Variants in PTH1R observed in about 807,000 individuals in gnomAD.
The protein encoded by PTH1R is parathyroid hormone/parathyroid hormone-related peptide receptor.
A neutral mutation model predicts 70.7 loss-of-function variants in PTH1R; 32 were observed. The ratio of observed to expected loss-of-function variants is 0.45; its 90% CI spans 0.34 to 0.61. PTH1R has a LOEUF of 0.61. Among genes scored for constraint, PTH1R ranks in the 20% least tolerant of loss-of-function variants. PTH1R has a pLI of 0.01. For synonymous variants in PTH1R, 329 were observed against 324.8 expected (o/e 1.01, Z -0.14); for missense variants, 626 against 792.5 (o/e 0.79, Z 2.52).
At chr3:46,890,494 A>C (rs1347021815) in intron 3 of PTH1R, among the ~76,000 whole-genome samples, 1 of 136,870 alleles carries the variant, frequency 7.3e-6, no homozygotes, top group East Asian at 2.2e-4. Flanking sequence ...TCTTCACAGC[A>C]GCTTTTTTTT....
rs1407613927 is a variant in PTH1R, at chr3:46,893,855, C to T, written c.76-52C>T. 3 of 1,561,306 alleles carry T rather than the reference C, an allele frequency of 1.9e-6. No homozygotes were observed. Among genetic ancestry groups the T allele is most frequent in the Non-Finnish European group, 2.6e-6 (3 of 1,137,348 alleles). ...CTGGGAAATTGGGATGTCTCTGGGA[C>T]CTGCTGCTGCGCCGGAAAGTCCTGC... is the stretch of plus-strand genomic sequence containing the variant. On this transcript the variant is annotated intron_variant, in intron 3 of 15. Coordinates refer to ENST00000449590, the MANE Select transcript of PTH1R (RefSeq NM_000316.3). The surrounding 1 kb of genome is among the most constrained non-coding windows in gnomAD (Gnocchi z 5.2).
rs955444586 is a variant in PTH1R, at chr3:46,884,259, G to T, written c.75+625G>T. 6.6e-6 allele frequency among the ~76,000 whole-genome samples: 1 copy of T among 152,176 alleles called. No homozygotes were observed. On this transcript the variant is annotated intron_variant, in intron 3 of 15. Transcript: ENST00000449590. The surrounding 1 kb of genome is among the most constrained non-coding windows in gnomAD (Gnocchi z 4.8). ...CTGTAGGAGAAGCACAGCATATCCT[G>T]TGGGGAAGTGAGGAGACCCCTGGAA...
chr3:46,880,769 T>C (rs1181134902), intron 1 of PTH1R, among the ~76,000 whole-genome samples: 2 of 137,724 alleles, frequency 1.5e-5, no homozygotes, highest in East Asian at 3.9e-4. Context: ...AAGAAGAAAG[T>C]AGCAGCAGAA....
chr3:46,892,442 G>A lies in PTH1R; in HGVS notation c.76-1465G>A, dbSNP rs953767015. On this transcript the variant is annotated intron_variant, in intron 3 of 15. Coordinates refer to ENST00000449590, the MANE Select transcript of PTH1R (RefSeq NM_000316.3). This position sits in a 1 kb window ranked among gnomAD's most constrained non-coding sequence, Gnocchi z 5.2. ...CACGGACGGGCACACACAAGTGCAC[G>A]CGCCGGCCACTCGAGAATGCGCTGC... Among the ~76,000 whole-genome samples the A allele has an allele frequency of 1.3e-5, 2 of 152,194 alleles. No individual in the cohort carries two copies. The highest frequency in any genetic ancestry group is 4.8e-5 in the African/African-American group (2 of 41,460).
intron 9 of PTH1R, 135 bp from the exon 10 acceptor site, chr3:46,899,168 C>T (rs1478351231): frequency 8.2e-7 from 1 of 1,214,322 alleles, no homozygotes; most frequent in Non-Finnish European, 1.2e-6. Context: ...AGAGAGCCCC[C>T]CAAACGAAGC....
At chr3:46,889,701 A>G (rs545193678) in intron 3 of PTH1R, among the ~76,000 whole-genome samples, 1 of 152,242 alleles carries the variant, frequency 6.6e-6, no homozygotes, top group Admixed American at 6.5e-5. Context: ...CCTAATCAGG[A>G]CCATAGGAGG....
rs1393616963 is a variant in PTH1R at position 46,896,964 on chromosome 3, C to G, written c.314-891C>G. On this transcript the variant is annotated intron_variant, in intron 5 of 15. Coordinates refer to ENST00000449590, the MANE Select transcript of PTH1R (RefSeq NM_000316.3). This position sits in a 1 kb window ranked among gnomAD's most constrained non-coding sequence, Gnocchi z 4.1. ...GAAGCATGGGCCAATGTGGTTAATC[C>G]CAACTTCCCAATGAGGAAATGGAAA... Among the ~76,000 whole-genome samples the G allele has an allele frequency of 6.6e-6, 1 of 152,158 alleles. No homozygotes were observed. Among genetic ancestry groups the G allele is most frequent in the East Asian group, 1.9e-4 (1 of 5,202 alleles).
intron 3 of PTH1R, among the ~76,000 whole-genome samples, chr3:46,886,287 G>T (rs1469291311): frequency 6.6e-6 from 1 of 152,202 alleles, no homozygotes; most frequent in Non-Finnish European, 1.5e-5. Flanking sequence ...AGAGACTGTG[G>T]TGTGGACTCA....
At position 46,901,844 on chromosome 3, in the gene PTH1R, A is replaced by G. The variant is rs772724556; in HGVS notation, c.1195A>G (p.Thr399Ala). 7 of 1,613,516 alleles carry G rather than the reference A, an allele frequency of 4.3e-6. No homozygotes were observed. In the African/African-American group the frequency reaches 5.3e-5, roughly 12 times the overall value. ...GGAGACCAACGCCGGCCGGTGTGAC[A>G]CACGGCAGCAGTACCGGTGAGCCCA... is the stretch of plus-strand genomic sequence containing the variant. The part of the protein sequence containing the change: ...LRETNAGRCD[T>A]RQQYRKLLKS... The change falls in exon 13 of 16, where the codon ACA becomes GCA. Residue 399 changes from threonine (T) to alanine (A), a missense_variant. Physicochemically the swap from Thr to Ala is moderately conservative, Grantham distance 58. Around this residue, in one of 3 missense-constraint regions of PTH1R, gnomAD observed 495 missense variants for 638.7 expected, o/e 0.77. Transcript: ENST00000449590. The surrounding 1 kb of genome is among the most constrained non-coding windows in gnomAD (Gnocchi z 7.3).
chr3:46,889,619 G>C (rs1421322239), intron 3 of PTH1R, among the ~76,000 whole-genome samples: 3 of 152,196 alleles, frequency 2.0e-5, no homozygotes, highest in African/African-American at 7.2e-5. Context: ...GCTGACCATG[G>C]GGAGGATGTG....
intron 1 of PTH1R, among the ~76,000 whole-genome samples, chr3:46,878,876 GA>G (rs1461704270): frequency 6.6e-6 from 1 of 152,172 alleles, no homozygotes; most frequent in Non-Finnish European, 1.5e-5. Flanking sequence ...CCAGCCTGGG[GA>G]TTAGAGACAG....
intron 3 of PTH1R, among the ~76,000 whole-genome samples, chr3:46,887,405 C>T (rs1451099768): frequency 6.8e-6 from 1 of 146,530 alleles, no homozygotes; most frequent in Non-Finnish European, 1.5e-5. Context: ...CAATGAGCTA[C>T]GATCATGCCA....
At position 46,893,915 on chromosome 3, in the gene PTH1R, A is replaced by G. The variant is rs1291292658; in HGVS notation, c.84A>G (p.Ala28=). ...GACCTTCGGCTTGGCAGGTGGATGC[A>G]GATGACGTCATGACTAAAGAGGAAC... ...VLSSAYALVD[A]DDVMTKEEQI... Residue 28 remains alanine (A), a synonymous_variant, in exon 4 of 16, where the codon GCA becomes GCG. Coordinates refer to ENST00000449590, the MANE Select transcript of PTH1R (RefSeq NM_000316.3). The surrounding 1 kb of genome is among the most constrained non-coding windows in gnomAD (Gnocchi z 5.2). 1 of 1,613,998 alleles carries G rather than the reference A, an allele frequency of 6.2e-7. No individual in the cohort carries two copies. Among genetic ancestry groups the G allele is most frequent in the South Asian group, 1.1e-5 (1 of 91,008 alleles).
chr3:46,887,184 G>C (rs1391638742), intron 3 of PTH1R, among the ~76,000 whole-genome samples: 1 of 151,710 alleles, frequency 6.6e-6, no homozygotes, highest in Non-Finnish European at 1.5e-5. Flanking sequence ...AGGTTGCAGT[G>C]AACCGAGATC....
At chr3:46,898,628 G>A (rs770356618) in intron 8 of PTH1R, 34 bp from the exon 9 acceptor site, 68 of 1,609,370 alleles carry the variant, frequency 4.2e-5, no homozygotes, top group Non-Finnish European at 2.5e-5. Flanking sequence ...GCGTCCCCGT[G>A]CCCCCACCCA....
rs756330580 is a variant in PTH1R, at chr3:46,903,555, G to A, written c.1681G>A (p.Asp561Asn). ...ACCTGCCATGGCTGCTCCCAAGGAC[G>A]ATGGGTTCCTCAACGGCTCCTGCTC... ...TPPAMAAPKD[D>N]GFLNGSCSGL... is the part of the protein sequence containing the mutation. Residue 561 changes from aspartate (D) to asparagine (N), a missense_variant, in exon 16 of 16, where the codon GAT (aspartate) becomes AAT (asparagine). Asp to Asn is a conservative substitution (Grantham distance 23). Around this residue, in one of 3 missense-constraint regions of PTH1R, gnomAD observed 495 missense variants for 638.7 expected, o/e 0.77. Transcript: ENST00000449590. The surrounding 1 kb of genome is among the most constrained non-coding windows in gnomAD (Gnocchi z 4.4). 9 of 1,613,840 alleles carry A rather than the reference G, an allele frequency of 5.6e-6. No individual in the cohort carries two copies. The highest frequency in any genetic ancestry group is 2.2e-5 in the South Asian group (2 of 91,082).
chr3:46,898,495 C>A (rs1402726280), intron 8 of PTH1R, 23 bp downstream of exon 8: 19 of 1,579,484 alleles, frequency 1.2e-5, no homozygotes, highest in Non-Finnish European at 1.7e-5. Context: ...GGGCGAGAGG[C>A]GGCGGGACAT....
rs1055723915 is a variant in PTH1R, at chr3:46,888,985, G to A, written c.76-4922G>A. ...GGAGGAAAAGTCAGCACTTGTCAGC[G>A]GTGGCGGGGCAGGACGAGGAGCCTG... On this transcript the variant is annotated intron_variant, in intron 3 of 15. Coordinates refer to ENST00000449590, the MANE Select transcript of PTH1R (RefSeq NM_000316.3). Among the ~76,000 whole-genome samples, 43 of 152,286 alleles carry A rather than the reference G, an allele frequency of 2.8e-4. 1 individual carries two copies. The highest frequency in any genetic ancestry group is 9.4e-4 in the African/African-American group (39 of 41,568).
At position 46,883,617 on chromosome 3, in the gene PTH1R, A is replaced by C. The variant is rs2030811984; in HGVS notation, c.58A>C (p.Ser20Arg). 1 of 1,544,814 alleles carries C rather than the reference A, an allele frequency of 6.5e-7. No homozygotes were observed. Among genetic ancestry groups the C allele is most frequent in the Non-Finnish European group, 8.7e-7 (1 of 1,146,734 alleles). Residue 20 changes from serine (S) to arginine (R), a missense_variant, in exon 3 of 16, where the codon AGC (serine) becomes CGC (arginine). Physicochemically the swap from Ser to Arg is moderately radical, Grantham distance 110 (BLOSUM62 -1). Transcript: ENST00000449590. The surrounding 1 kb of genome is among the most constrained non-coding windows in gnomAD (Gnocchi z 6.4). ...LALLLCCPVLSSAYALVDADD... is the reference protein window; with the variant it reads ...LALLLCCPVLRSAYALVDADD... The stretch of plus-strand genomic sequence containing the variant: ...GCTCCTGCTCTGCTGCCCCGTGCTC[A>C]GCTCCGCGTACGCGCTGGTGAGTCC...
Sources: gnomAD v4.1 joint callset for allele counts (sites outside exome capture counted in the v4.1 genomes callset) on GRCh38, gnomAD v4.1.1 for gene constraint, gnomAD v4.1.1 regional missense constraint, Gnocchi (gnomAD v3.1) non-coding constraint, MANE v1.5 for transcripts, NCBI Gene and HGNC (gene_info 2026-07-23, HGNC 2026-07-21) for gene names.